ACTN1: variants seen among roughly 807,000 people sequenced by gnomAD.
ACTN1 encodes actinin alpha 1.
Under a neutral mutation model 119.6 loss-of-function variants are expected in ACTN1, and 30 were observed. That is an observed-to-expected ratio of 0.25 (90% confidence interval 0.19 to 0.34). ACTN1 has a LOEUF of 0.34. Ranked by LOEUF, ACTN1 falls within the 10% of genes least tolerant of loss-of-function variation. The pLI is 1.00. For missense variants in ACTN1, 764 were observed against 1,223.4 expected, an observed-to-expected ratio of 0.62 and a Z score of 5.60; for synonymous variants, 429 against 472.6, an observed-to-expected ratio of 0.91 and a Z score of 1.20.
At chr14:68,890,037 T>C in intron 11 of ACTN1, 102 bp downstream of exon 11, 1 of 1,495,312 alleles carries the variant, frequency 6.7e-7, no homozygotes. Context: ...AGAGACCAAA[T>C]GAAACAAATG....
At chr14:68,902,372 A>G (rs2033395969) in intron 8 of ACTN1, 105 bp downstream of exon 8, 2 of 995,526 alleles carry the variant, frequency 2.0e-6, no homozygotes, top group Non-Finnish European at 3.2e-6. Flanking sequence ...AGACCAGACC[A>G]TCCAGATACC....
intron 9 of ACTN1, among the ~76,000 whole-genome samples, chr14:68,892,935 A>G (rs1280353571): frequency 6.6e-6 from 1 of 152,062 alleles, no homozygotes; most frequent in African/African-American, 2.4e-5. Flanking sequence ...AAACACTACA[A>G]AGCTAAGGGC....
chr14:68,928,597 T>G (rs1304196979), intron 1 of ACTN1, among the ~76,000 whole-genome samples: 3 of 152,172 alleles, frequency 2.0e-5, no homozygotes, highest in Admixed American at 6.5e-5. Flanking sequence ...AAACTTCAGT[T>G]CCCTTTGCAG....
At chr14:68,876,724 G>A (rs923745782) in intron 21 of ACTN1, among the ~76,000 whole-genome samples, 6 of 152,148 alleles carry the variant, frequency 3.9e-5, no homozygotes, top group South Asian at 2.1e-4. Flanking sequence ...AGTCCGTGCC[G>A]ATGCGCGGGA....
intron 4 of ACTN1, among the ~76,000 whole-genome samples, chr14:68,910,910 G>C (rs2033970465): frequency 6.6e-6 from 1 of 152,136 alleles, no homozygotes. Context: ...TTGCTCTTCT[G>C]CAATGACTGT....
At chr14:68,906,075 G>A (rs1315572685) in intron 6 of ACTN1, among the ~76,000 whole-genome samples, 6 of 141,438 alleles carry the variant, frequency 4.2e-5, no homozygotes, top group Non-Finnish European at 9.2e-5. Flanking sequence ...GAGGCCGGGG[G>A]GGCAGGAAAG....
intron 1 of ACTN1, among the ~76,000 whole-genome samples, chr14:68,946,294 G>T (rs919477378): frequency 1.3e-5 from 2 of 152,150 alleles, no homozygotes; most frequent in African/African-American, 4.8e-5. Context: ...GGATGACATA[G>T]TAAGGACCTA....
At chr14:68,875,875 G>A (rs1344283730) in intron 21 of ACTN1, among the ~76,000 whole-genome samples, 1 of 152,214 alleles carries the variant, frequency 6.6e-6, no homozygotes, top group Non-Finnish European at 1.5e-5. Flanking sequence ...TGCAAATAAC[G>A]TTGTTCTTGT....
chr14:68,950,905 GACTTGTAAATCAAAA>G (rs2036140196), intron 1 of ACTN1, among the ~76,000 whole-genome samples: 1 of 152,132 alleles, frequency 6.6e-6, no homozygotes, highest in Non-Finnish European at 1.5e-5. Flanking sequence ...AGATATTGAA[GACTTGTAAATCAAAA>G]ACATTTCAAA....
At chr14:68,944,275 GC>G (rs1271879814) in intron 1 of ACTN1, among the ~76,000 whole-genome samples, 2 of 152,224 alleles carry the variant, frequency 1.3e-5, no homozygotes, top group African/African-American at 4.8e-5. Context: ...GGGCCACCAA[GC>G]CGATGATGTG....
Position 68,890,647 on chromosome 14 carries a change from AG to A in ACTN1, c.1087-362del, listed in dbSNP as rs568582290. ...AGAGGTCACACATGTGCTAAGGCAAAGGGCCCCCGAGGTAAACAGACCAACA... is the reference window on the plus strand; with the variant it reads ...AGAGGTCACACATGTGCTAAGGCAAAGGCCCCCGAGGTAAACAGACCAACA... On this transcript the variant is annotated intron_variant, in intron 10 of 21. Coordinates refer to ENST00000394419, the MANE Select transcript of ACTN1 (RefSeq NM_001130004.2). Among the ~76,000 whole-genome samples, 30 of 152,092 alleles carry A rather than the reference AG, an allele frequency of 2.0e-4. 1 individual carries two copies. Among genetic ancestry groups the A allele is most frequent in the Non-Finnish European group, 4.1e-4 (28 of 67,968 alleles).
chr14:68,912,915 T>C (rs747267417), intron 3 of ACTN1, among the ~76,000 whole-genome samples: 2 of 152,126 alleles, frequency 1.3e-5, no homozygotes, highest in Admixed American at 1.3e-4. Flanking sequence ...CTCTGGGCAA[T>C]CACAGCTCTC....
chr14:68,904,338 G>A (rs1196856389), intron 7 of ACTN1, among the ~76,000 whole-genome samples: 5 of 152,070 alleles, frequency 3.3e-5, no homozygotes, highest in Non-Finnish European at 7.4e-5. Context: ...AAACTGTGCC[G>A]GACAACAAGG....
rs1306991606 is a variant in ACTN1 at position 68,892,123 on chromosome 14, T to C, written c.1016A>G (p.Asn339Ser). 1.2e-6 allele frequency: 2 copies of C among 1,613,682 alleles called. No homozygotes were observed. Among genetic ancestry groups the C allele is most frequent in the African/African-American group, 1.3e-5 (1 of 74,742 alleles). ...GAGCCGCAGCTTGGTCTGCAGCGTG[T>C]TGAAGTTGATCTCCAGCTGGCACTT... ...QEKCQLEINF[N>S]TLQTKLRLSN... The change falls in exon 10 of 22, where the codon AAC (asparagine) becomes AGC (serine). Residue 339 changes from asparagine to serine, a missense_variant. Transcript: ENST00000394419.
intron 3 of ACTN1, among the ~76,000 whole-genome samples, chr14:68,913,257 C>T (rs1170706282): frequency 6.6e-6 from 1 of 152,164 alleles, no homozygotes; most frequent in Non-Finnish European, 1.5e-5. Flanking sequence ...ATACATGGAG[C>T]AATCTATGGT....
chr14:68,942,912 C>G (rs1206904158), intron 1 of ACTN1, among the ~76,000 whole-genome samples: 2 of 152,172 alleles, frequency 1.3e-5, no homozygotes, highest in Non-Finnish European at 2.9e-5. Flanking sequence ...GTGACGGACA[C>G]ACAGAGGCCT....
At chr14:68,907,259 T>TA (rs775481921) in intron 6 of ACTN1, among the ~76,000 whole-genome samples, 8,736 of 72,862 alleles carry the variant, frequency 0.12, 772 homozygotes, top group African/African-American at 0.17. Context: ...AAGACTCTCT[T>TA]AAAAAAAAAA....
intron 1 of ACTN1, among the ~76,000 whole-genome samples, chr14:68,962,522 T>C (rs949276869): frequency 6.6e-6 from 1 of 152,166 alleles, no homozygotes; most frequent in Non-Finnish European, 1.5e-5. Flanking sequence ...GGCCAGGCAA[T>C]GCAGAGCCCT....
intron 2 of ACTN1, 147 bp from the exon 3 acceptor site, chr14:68,921,272 TCAGGG>T: frequency 1.0e-6 from 1 of 967,298 alleles, no homozygotes; most frequent in South Asian, 2.1e-5. Flanking sequence ...CACACGCTGC[TCAGGG>T]GCTGGAGAAT....
Sources: allele counts gnomAD v4.1 joint callset (sites outside exome capture counted in the v4.1 genomes callset), GRCh38; gene constraint gnomAD v4.1.1; transcripts MANE v1.5; gene names NCBI Gene and HGNC (gene_info 2026-07-23, HGNC 2026-07-21).